Variants in CNNM2 observed in about 807,000 individuals in gnomAD.
The protein encoded by CNNM2 is cyclin and CBS domain divalent metal cation transport mediator 2.
Under a neutral mutation model 66.9 loss-of-function variants are expected in CNNM2, and 12 were observed. That is an observed-to-expected ratio of 0.18 (90% CI 0.11 to 0.29). The LOEUF (loss-of-function observed/expected upper bound fraction) is 0.29, where lower values mean the gene tolerates loss of function less well. Among genes scored for constraint, CNNM2 ranks in the 10% least tolerant of loss-of-function variants. CNNM2 has a pLI of 1.00. For missense variants in CNNM2, 705 were observed against 1,167.7 expected (o/e 0.60, Z 5.77); for synonymous variants, 557 against 501.8 (o/e 1.11, Z -1.47).
chr10:102,992,199 AT>A (rs1422255577), intron 1 of CNNM2, among the ~76,000 whole-genome samples: 1 of 148,590 alleles, frequency 6.7e-6, no homozygotes, highest in African/African-American at 2.5e-5. Context: ...AAGTAAACAT[AT>A]TTGCCAAAAA....
intron 1 of CNNM2, among the ~76,000 whole-genome samples, chr10:103,045,851 C>T (rs905794678): frequency 3.9e-5 from 6 of 152,118 alleles, no homozygotes; most frequent in Non-Finnish European, 7.3e-5. Flanking sequence ...TACTATGTTG[C>T]CCAGGCTGGT....
rs149420057 is a variant in CNNM2, at chr10:102,927,035, A to G, written c.1621+6934A>G. ...TGCCTGACCCCTGCTTTTATTTTCAATATAAAATTTTATGTTTACAAGCGT... is the reference window on the plus strand; with the variant it reads ...TGCCTGACCCCTGCTTTTATTTTCAGTATAAAATTTTATGTTTACAAGCGT... On this transcript the variant is annotated intron_variant, in intron 1 of 7. Coordinates refer to ENST00000369878, the MANE Select transcript of CNNM2 (RefSeq NM_017649.5). Among the ~76,000 whole-genome samples the G allele has an allele frequency of 3.6e-3, 550 of 151,012 alleles. 7 individuals are homozygous for G. The highest frequency in any genetic ancestry group is 6.7e-4 in the Non-Finnish European group (45 of 67,654).
intron 1 of CNNM2, among the ~76,000 whole-genome samples, chr10:102,969,403 G>T (rs1300266933): frequency 1.3e-5 from 2 of 151,536 alleles, no homozygotes; most frequent in African/African-American, 2.4e-5. Flanking sequence ...TAGTAGGGAC[G>T]GGGTTTCACC....
intron 1 of CNNM2, among the ~76,000 whole-genome samples, chr10:102,948,611 G>A (rs1846707107): frequency 6.6e-6 from 1 of 152,162 alleles, no homozygotes; most frequent in Non-Finnish European, 1.5e-5. Context: ...AGGGTTCCAG[G>A]ATTTCTTCTA....
intron 5 of CNNM2, 45 bp from the exon 6 acceptor site, chr10:103,071,729 C>A (rs753532322): frequency 6.9e-7 from 1 of 1,457,100 alleles, no homozygotes; most frequent in Admixed American, 1.7e-5. Context: ...GATCTCTGTT[C>A]TTGCCTTTTG....
chr10:103,003,739 C>T (rs2064169263), intron 1 of CNNM2, among the ~76,000 whole-genome samples: 1 of 151,772 alleles, frequency 6.6e-6, no homozygotes, highest in African/African-American at 2.4e-5. Flanking sequence ...CGCCACTGCA[C>T]TCCAGCCTGG....
Position 102,918,773 on chromosome 10 carries a change from G to T in CNNM2, c.293G>T (p.Arg98Leu). ...MEGGALRVSE[R>L]TRVKLRVYGQ... ...GGGGGGGCGCTGCGGGTGAGCGAAC[G>T]GACCCGGGTCAAGCTGCGGGTGTAC... The change falls in exon 1 of 8, where the codon CGG becomes CTG. Residue 98 changes from arginine (R) to leucine (L), a missense_variant. Around this residue, in one of 9 missense-constraint regions of CNNM2, gnomAD observed 15 missense variants for 58.1 expected, o/e 0.26. Transcript: ENST00000369878. The surrounding 1 kb of genome is among the most constrained non-coding windows in gnomAD (Gnocchi z 4.1). The T allele has an allele frequency of 6.3e-7, 1 of 1,598,240 alleles. No individual in the cohort carries two copies. The highest frequency in any genetic ancestry group is 2.3e-5 in the East Asian group (1 of 43,992).
intron 5 of CNNM2, among the ~76,000 whole-genome samples, chr10:103,069,810 A>G (rs2065544558): frequency 6.6e-6 from 1 of 152,240 alleles, no homozygotes; most frequent in African/African-American, 2.4e-5. Context: ...CCTTGTGGCA[A>G]AAACACCAAA....
chr10:102,933,251 C>T lies in CNNM2; in HGVS notation c.1621+13150C>T, dbSNP rs561747352. ...TGCAATGTTAACAGTACAAAGTCTT[C>T]CATCCATGAACGGGGATGTCATATC... On this transcript the variant is annotated intron_variant, in intron 1 of 7. Coordinates refer to ENST00000369878, the MANE Select transcript of CNNM2 (RefSeq NM_017649.5). Among the ~76,000 whole-genome samples, 3 of 152,202 alleles carry T rather than the reference C, an allele frequency of 2.0e-5. No homozygotes were observed. In the South Asian group the frequency reaches 6.2e-4, roughly 31 times the overall value.
At chr10:103,030,571 C>T (rs2064804376) in intron 1 of CNNM2, among the ~76,000 whole-genome samples, 1 of 152,042 alleles carries the variant, frequency 6.6e-6, no homozygotes, top group Non-Finnish European at 1.5e-5. Context: ...AAAAAATTAG[C>T]CAGGCGTGGT....
intron 1 of CNNM2, among the ~76,000 whole-genome samples, chr10:103,000,478 C>A (rs990100386): frequency 1.3e-5 from 2 of 151,590 alleles, no homozygotes. Context: ...TTTTGAGACA[C>A]GATCTCACCG....
At chr10:103,025,631 C>A (rs1300068928) in intron 1 of CNNM2, among the ~76,000 whole-genome samples, 1 of 152,198 alleles carries the variant, frequency 6.6e-6, no homozygotes. Context: ...ATTCGTGTTT[C>A]ATACAATAGT....
intron 4 of CNNM2, 79 bp downstream of exon 4, chr10:103,057,043 C>A: frequency 2.8e-6 from 4 of 1,409,556 alleles, no homozygotes; most frequent in Admixed American, 4.2e-5. Context: ...TGGGTGTCAC[C>A]GTGTACATAC....
At chr10:103,067,761 A>G (rs1255519398) in intron 4 of CNNM2, among the ~76,000 whole-genome samples, 1 of 152,206 alleles carries the variant, frequency 6.6e-6, no homozygotes, top group Non-Finnish European at 1.5e-5. Context: ...GTAAAGAAGA[A>G]GTTGTCGACA....
intron 1 of CNNM2, among the ~76,000 whole-genome samples, chr10:102,935,740 A>G (rs1005265005): frequency 7.1e-6 from 1 of 140,448 alleles, no homozygotes; most frequent in Non-Finnish European, 1.5e-5. Flanking sequence ...CCTGCCAAAT[A>G]GCTGTGATCA....
chr10:102,960,898 T>C (rs1802072567), intron 1 of CNNM2, among the ~76,000 whole-genome samples: 1 of 67,348 alleles, frequency 1.5e-5, no homozygotes, highest in Non-Finnish European at 4.0e-5. Context: ...TGATTCTCTG[T>C]TTTTTTTTTT....
At chr10:103,074,729 G>T (rs1043849968) in intron 6 of CNNM2, among the ~76,000 whole-genome samples, 7 of 152,136 alleles carry the variant, frequency 4.6e-5, no homozygotes, top group Non-Finnish European at 7.3e-5. Flanking sequence ...AGCTACTCAG[G>T]AGGCTGAGGT....
intron 1 of CNNM2, among the ~76,000 whole-genome samples, chr10:103,017,457 G>A (rs567981721): frequency 5.9e-5 from 9 of 152,138 alleles, no homozygotes; most frequent in South Asian, 2.1e-4. Context: ...GGTATGTATG[G>A]CAGAGAAAGG....
intron 1 of CNNM2, among the ~76,000 whole-genome samples, chr10:103,005,078 A>T (rs1010258234): frequency 6.6e-6 from 1 of 151,756 alleles, no homozygotes; most frequent in Non-Finnish European, 1.5e-5. Context: ...ACACCCAGCT[A>T]ATTTTTTTGT....
Sources: gnomAD v4.1 joint callset for allele counts (sites outside exome capture counted in the v4.1 genomes callset) on GRCh38, gnomAD v4.1.1 for gene constraint, gnomAD v4.1.1 regional missense constraint, Gnocchi (gnomAD v3.1) non-coding constraint, MANE v1.5 for transcripts, NCBI Gene and HGNC (gene_info 2026-07-23, HGNC 2026-07-21) for gene names.